CLASP1: variants seen among roughly 807,000 people sequenced by gnomAD.
CLASP1 encodes the protein CLIP-associating protein 1.
Under a neutral mutation model 192.3 loss-of-function variants are expected in CLASP1, and 38 were observed. The ratio of observed to expected loss-of-function variants is 0.20; its 90% CI spans 0.15 to 0.26. The LOEUF is 0.26. Among genes scored for constraint, CLASP1 ranks in the 10% least tolerant of loss-of-function variants. The probability of loss-of-function intolerance (pLI) is 1.00; values close to 1 mark genes in which losing one functional copy is unlikely to be tolerated. For missense variants in CLASP1, 1,433 were observed against 1,932.5 expected (o/e 0.74, Z 4.85); for synonymous variants, 691 against 712.8 (o/e 0.97, Z 0.49).
chr2:121,448,236 A>C, intron 18 of CLASP1, 40 bp downstream of exon 18: 1 of 1,577,286 alleles, frequency 6.3e-7, no homozygotes, highest in East Asian at 2.2e-5. Flanking sequence ...ACAGCCCACC[A>C]GAGCGGAGAA....
intron 34 of CLASP1, among the ~76,000 whole-genome samples, chr2:121,375,696 T>C (rs1035724815): frequency 2.6e-5 from 4 of 152,144 alleles, no homozygotes; most frequent in African/African-American, 9.7e-5. Context: ...AACTGACTAA[T>C]ACAACATCCT....
intron 23 of CLASP1, among the ~76,000 whole-genome samples, chr2:121,417,252 A>C (rs1253341370): frequency 6.6e-6 from 1 of 152,210 alleles, no homozygotes; most frequent in Non-Finnish European, 1.5e-5. Flanking sequence ...CACATGCCAG[A>C]TTCCAAAGGA....
intron 30 of CLASP1, among the ~76,000 whole-genome samples, chr2:121,389,015 T>C (rs1372991205): frequency 6.6e-6 from 1 of 152,206 alleles, no homozygotes; most frequent in Non-Finnish European, 1.5e-5. Flanking sequence ...ATGCTAAAAT[T>C]AATTATAGGT....
chr2:121,534,623 C>T (rs1162546824), intron 2 of CLASP1, among the ~76,000 whole-genome samples: 5 of 151,864 alleles, frequency 3.3e-5, no homozygotes, highest in African/African-American at 1.2e-4. Context: ...CTGCAACCTC[C>T]GCCTCCCGGG....
intron 19 of CLASP1, among the ~76,000 whole-genome samples, chr2:121,438,674 T>C (rs2082732395): frequency 6.6e-6 from 1 of 152,180 alleles, no homozygotes; most frequent in African/African-American, 2.4e-5. Flanking sequence ...ATCCCAGGGA[T>C]GAAGCCCACT....
chr2:121,514,486 T>C (rs2094231215), intron 7 of CLASP1, among the ~76,000 whole-genome samples: 1 of 151,680 alleles, frequency 6.6e-6, no homozygotes, highest in Non-Finnish European at 1.5e-5. Context: ...AAGGCTGAGG[T>C]TCACAAAACA....
intron 32 of CLASP1, among the ~76,000 whole-genome samples, chr2:121,384,095 C>T (rs1416596192): frequency 2.3e-5 from 3 of 132,084 alleles, no homozygotes; most frequent in African/African-American, 5.6e-5. Context: ...TGTATATATA[C>T]ACACATATAT....
At chr2:121,358,065 T>C (rs1312869028) in intron 37 of CLASP1, among the ~76,000 whole-genome samples, 3 of 152,218 alleles carry the variant, frequency 2.0e-5, no homozygotes, top group Admixed American at 2.0e-4. Context: ...CCACTACCCA[T>C]CAATCATCAA....
intron 4 of CLASP1, 38 bp from the exon 5 acceptor site, chr2:121,527,928 C>T (rs1390458625): frequency 1.3e-6 from 2 of 1,522,448 alleles, no homozygotes; most frequent in South Asian, 1.1e-5. Context: ...AAGGAGAAGA[C>T]TGCTGCAGCT....
intron 2 of CLASP1, among the ~76,000 whole-genome samples, chr2:121,576,202 A>T (rs553867113): frequency 6.7e-4 from 102 of 151,962 alleles, no homozygotes; most frequent in Middle Eastern, 3.4e-3. Context: ...TTTTTTTTTA[A>T]AAAAAGGGGG....
At chr2:121,441,910 G>T (rs558594281) in intron 19 of CLASP1, among the ~76,000 whole-genome samples, 60 of 152,142 alleles carry the variant, frequency 3.9e-4, no homozygotes, top group African/African-American at 1.4e-3. Context: ...CAGTAAAATT[G>T]TACTAAAATC....
At chr2:121,564,516 G>A (rs1036856097) in intron 2 of CLASP1, among the ~76,000 whole-genome samples, 1 of 152,148 alleles carries the variant, frequency 6.6e-6, no homozygotes, top group Non-Finnish European at 1.5e-5. Flanking sequence ...TTTATCACCT[G>A]TACTCACATC....
At chr2:121,637,914 T>G (rs1409576877) in intron 1 of CLASP1, among the ~76,000 whole-genome samples, 2 of 151,406 alleles carry the variant, frequency 1.3e-5, no homozygotes, top group Non-Finnish European at 2.9e-5. Context: ...AAAACTTTTT[T>G]AAGAAAAAAG....
intron 2 of CLASP1, among the ~76,000 whole-genome samples, chr2:121,558,547 G>A (rs1028466637): frequency 5.3e-5 from 8 of 152,152 alleles, no homozygotes; most frequent in African/African-American, 1.9e-4. Flanking sequence ...TATAAGAAGA[G>A]GAAGAGAAAC....
At chr2:121,346,604 G>A (rs565730003) in intron 39 of CLASP1, among the ~76,000 whole-genome samples, 2 of 152,316 alleles carry the variant, frequency 1.3e-5, no homozygotes, top group South Asian at 2.1e-4. Context: ...ATGAGTCAAC[G>A]CATGCAAAGT....
intron 29 of CLASP1, 89 bp from the exon 31 acceptor site, chr2:121,397,372 T>C: frequency 9.1e-7 from 1 of 1,104,618 alleles, no homozygotes; most frequent in Admixed American, 2.1e-5. Flanking sequence ...AAGTAAACCC[T>C]GGTGAGGGGG....
rs771577373 is a variant in CLASP1 at position 121,530,914 on chromosome 2, A to G, written c.196-589T>C. 42 of 699,220 alleles carry G rather than the reference A, an allele frequency of 6.0e-5. No homozygotes were observed. Among genetic ancestry groups the G allele is most frequent in the Admixed American group, 1.6e-4 (8 of 49,978 alleles). 43.3% of individuals were successfully genotyped at this position (699,220 alleles called of 1,614,324 possible). A position where few individuals can be genotyped will look rare whatever the true frequency, so the allele number is the denominator to read the frequency against. On this transcript the variant is annotated intron_variant, in intron 2 of 39. Coordinates refer to ENST00000263710, the Ensembl canonical transcript of CLASP1. ...TTTCTTGGGGTTGCGCTACTGTCCA[A>G]TGAGCGCATAGTGAGGGCAGTACTG...
At chr2:121,374,802 C>G (rs1015262624) in intron 34 of CLASP1, among the ~76,000 whole-genome samples, 2 of 152,226 alleles carry the variant, frequency 1.3e-5, no homozygotes, top group African/African-American at 4.8e-5. Flanking sequence ...GGAATGGAAG[C>G]ATTTACCTAA....
At chr2:121,351,576 G>T (rs1329799599) in intron 37 of CLASP1, among the ~76,000 whole-genome samples, 2 of 152,102 alleles carry the variant, frequency 1.3e-5, no homozygotes, top group Non-Finnish European at 2.9e-5. Flanking sequence ...ACTTTCCCTG[G>T]GAGGACCCGC....
Sources: gnomAD v4.1 joint callset for allele counts (sites outside exome capture counted in the v4.1 genomes callset) on GRCh38, gnomAD v4.1.1 for gene constraint, MANE v1.5 for transcripts, NCBI Gene and HGNC (gene_info 2026-07-23, HGNC 2026-07-21) for gene names.